MR1: variants seen among roughly 807,000 people sequenced by gnomAD.
The protein encoded by MR1 is major histocompatibility complex class I-related protein 1.
In MR1, 44 loss-of-function variants were observed where a neutral mutation model predicts 37.8. That is an observed-to-expected ratio of 1.16 (90% CI 0.91 to 1.50). The LOEUF (loss-of-function observed/expected upper bound fraction) is 1.50, where lower values mean the gene tolerates loss of function less well. Ranked by LOEUF, MR1 falls within the 40% of genes most tolerant of loss-of-function variation. MR1 has a pLI of 0.00. For missense variants in MR1, 386 were observed against 419.1 expected (o/e 0.92, Z 0.69); for synonymous variants, 153 against 155.8 (o/e 0.98, Z 0.13).
chr1:181,059,016 C>G lies in MR1; in HGVS notation c.*3751C>G, dbSNP rs1205096257. The G allele has an allele frequency of 6.6e-6, 1 of 152,248 alleles. No individual in the cohort carries two copies. Among genetic ancestry groups the G allele is most frequent in the Non-Finnish European group, 1.5e-5 (1 of 68,040 alleles). The allele number at this position is 152,248 out of a possible 1,614,324, so 9.4% of individuals were successfully genotyped here. ...CCTGCTCTCTGGAGTTTGCTATTTTCTCACACACAGTGTATTAGTTCACAG... is the reference window on the plus strand; with the variant it reads ...CCTGCTCTCTGGAGTTTGCTATTTTGTCACACACAGTGTATTAGTTCACAG... On this transcript the variant is annotated 3_prime_UTR_variant, in exon 6 of 6. Transcript: ENST00000367580.
At position 181,052,501 on chromosome 1, in the gene MR1, G is replaced by A. The variant is rs980573937; in HGVS notation, c.871G>A (p.Val291Ile). The change falls in exon 4 of 6, where the codon GTC (valine) becomes ATC (isoleucine). Residue 291 changes from valine to isoleucine, a missense_variant. Physicochemically the swap from Val to Ile is conservative, Grantham distance 29. Coordinates refer to ENST00000367580, the MANE Select transcript of MR1 (RefSeq NM_001385161.1). ...CTGCGGTGTCCACATGGTTCTTCAGGTCCCCCAGGGTAAGGACGGGGATCG... is the reference window on the plus strand; with the variant it reads ...CTGCGGTGTCCACATGGTTCTTCAGATCCCCCAGGGTAAGGACGGGGATCG... ...EHCGVHMVLQ[V>I]PQESETIPLV... 12 of 1,610,488 alleles carry A rather than the reference G, an allele frequency of 7.5e-6. No homozygotes were observed. The highest frequency in any genetic ancestry group is 9.3e-6 in the Non-Finnish European group (11 of 1,176,974).
In MR1 at chr1:181,050,090, T is replaced by C; in HGVS notation, c.408T>C (p.Tyr136=). The change falls in exon 3 of 6, where the codon TAT becomes TAC. Residue 136 remains tyrosine, a synonymous_variant. Transcript: ENST00000367580. ...CCACAGGATTTCTGCAGTATGCATA[T>C]GACGGGCAGGATTTCCTGATCTTCA... ...GSTTGFLQYA[Y]DGQDFLIFNK... 6.2e-7 allele frequency: 1 copy of C among 1,614,184 alleles called. No individual in the cohort carries two copies. Among genetic ancestry groups the C allele is most frequent in the South Asian group, 1.1e-5 (1 of 91,086 alleles).
rs2102403054 is a variant in MR1, at chr1:181,053,480, G to T, written c.881-93G>T. 10 of 866,604 alleles carry T rather than the reference G, an allele frequency of 1.2e-5. No homozygotes were observed. The South Asian group carries it at 1.5e-4, about 13-fold the overall frequency. The allele number at this position is 866,604 out of a possible 1,614,324, so 53.7% of individuals were successfully genotyped here. On this transcript the variant is annotated intron_variant, in intron 4 of 5. Coordinates refer to ENST00000367580, the MANE Select transcript of MR1 (RefSeq NM_001385161.1). ...AGCAACAGTAAGGAAAATGGTGTTGGGTTTCCTGATGATCACAGGGACAAA... is the reference window on the plus strand; with the variant it reads ...AGCAACAGTAAGGAAAATGGTGTTGTGTTTCCTGATGATCACAGGGACAAA...
intron 1 of MR1, among the ~76,000 whole-genome samples, chr1:181,035,553 T>C (rs929930315): frequency 2.0e-5 from 3 of 152,076 alleles, no homozygotes; most frequent in Admixed American, 2.0e-4. Flanking sequence ...AAGGGTGATA[T>C]TTTTGGAAAT....
At chr1:181,042,954 G>T (rs1238140253) in intron 1 of MR1, among the ~76,000 whole-genome samples, 1 of 152,146 alleles carries the variant, frequency 6.6e-6, no homozygotes, top group Non-Finnish European at 1.5e-5. Flanking sequence ...GCTAAGCTTT[G>T]CAGGAAATAC....
At position 181,057,967 on chromosome 1, in the gene MR1, GC is replaced by G. The variant is rs1553271782; in HGVS notation, c.*2704del. 2.0e-5 allele frequency: 3 copies of G among 152,222 alleles called. No homozygotes were observed. The highest frequency in any genetic ancestry group is 4.4e-5 in the Non-Finnish European group (3 of 68,062). 9.4% of individuals were successfully genotyped at this position (152,222 alleles called of 1,614,324 possible). A position where few individuals can be genotyped will look rare whatever the true frequency, so the allele number is the denominator to read the frequency against. ...AGAGGTTGTGGTGAGCCGAGATCGCGCCATCGCACTCTAGCCTGGGCAACAA... is the reference window on the plus strand; with the variant it reads ...AGAGGTTGTGGTGAGCCGAGATCGCGCATCGCACTCTAGCCTGGGCAACAA... On this transcript the variant is annotated 3_prime_UTR_variant, in exon 6 of 6. Transcript: ENST00000367580.
intron 1 of MR1, among the ~76,000 whole-genome samples, chr1:181,038,987 T>C (rs1029167720): frequency 6.6e-6 from 1 of 152,088 alleles, no homozygotes; most frequent in East Asian, 1.9e-4. Context: ...GCATTTTTAG[T>C]AGGGACAGAG....
At chr1:181,046,269 C>G (rs1657861531) in intron 1 of MR1, among the ~76,000 whole-genome samples, 2 of 152,392 alleles carry the variant, frequency 1.3e-5, no homozygotes, top group East Asian at 3.9e-4. Flanking sequence ...GGGGGATCCA[C>G]TGGGTGAAGC....
At chr1:181,046,960 A>C (rs1466367009) in intron 1 of MR1, among the ~76,000 whole-genome samples, 2 of 152,186 alleles carry the variant, frequency 1.3e-5, no homozygotes, top group Non-Finnish European at 2.9e-5. Context: ...TCCGAACATC[A>C]GAAGGAAAAA....
chr1:181,042,200 ATTTT>A (rs373949499), intron 1 of MR1, among the ~76,000 whole-genome samples: 11 of 134,108 alleles, frequency 8.2e-5, no homozygotes, highest in Non-Finnish European at 1.1e-4. Flanking sequence ...ATCAAAGATA[ATTTT>A]TTTTTTTTTT....
rs1162816364 is a variant in MR1 at position 181,060,467 on chromosome 1, A to C, written c.*5202A>C. ...CAAAATTTTTTGGCTCCACTGGATT[A>C]TCTAGCAGTTAGGAAACCAAGATCA... On this transcript the variant is annotated 3_prime_UTR_variant, in exon 6 of 6. Transcript: ENST00000367580. The C allele has an allele frequency of 6.6e-6, 1 of 152,210 alleles. No homozygotes were observed. The highest frequency in any genetic ancestry group is 1.9e-4 in the East Asian group (1 of 5,200). The allele number at this position is 152,210 out of a possible 1,614,324, so 9.4% of individuals were successfully genotyped here. A position where few individuals can be genotyped will look rare whatever the true frequency, so the allele number is the denominator to read the frequency against.
chr1:181,050,354 A>G, intron 3 of MR1, 68 bp downstream of exon 3: 2 of 1,586,022 alleles, frequency 1.3e-6, no homozygotes, highest in Non-Finnish European at 1.7e-6. Context: ...AACTCTTTTA[A>G]TCTAGGTTAT....
chr1:181,039,100 C>T lies in MR1; in HGVS notation c.67+5026C>T, dbSNP rs573773067. Among the ~76,000 whole-genome samples, 19 of 151,884 alleles carry T rather than the reference C, an allele frequency of 1.3e-4. No homozygotes were observed. In the South Asian group the frequency reaches 2.7e-3, roughly 22 times the overall value. ...GATTACAGGCATGAGCCACCACACCCGGCCTCTCTGCACCTATTTTCTATC... is the reference window on the plus strand; with the variant it reads ...GATTACAGGCATGAGCCACCACACCTGGCCTCTCTGCACCTATTTTCTATC... On this transcript the variant is annotated intron_variant, in intron 1 of 5. Transcript: ENST00000367580.
intron 3 of MR1, 57 bp downstream of exon 3, chr1:181,050,343 T>C (rs757463152): frequency 5.0e-6 from 8 of 1,600,072 alleles, no homozygotes; most frequent in Admixed American, 1.7e-5. Flanking sequence ...TTTTTATACG[T>C]AACTCTTTTA....
rs141646210 is a variant in MR1 at position 181,050,093 on chromosome 1, C to T, written c.411C>T (p.Asp137=). 6.2e-4 allele frequency: 1,005 copies of T among 1,614,154 alleles called. 7 individuals carry two copies. Among genetic ancestry groups the T allele is most frequent in the Middle Eastern group, 1.0e-3 (6 of 6,020 alleles). The stretch of plus-strand genomic sequence containing the variant: ...CAGGATTTCTGCAGTATGCATATGA[C>T]GGGCAGGATTTCCTGATCTTCAATA... The part of the protein sequence containing the change: ...STTGFLQYAY[D]GQDFLIFNKD... The change falls in exon 3 of 6, where the codon GAC becomes GAT. Residue 137 remains aspartate, a synonymous_variant. Transcript: ENST00000367580.
At chr1:181,037,323 T>G (rs1657328606) in intron 1 of MR1, among the ~76,000 whole-genome samples, 1 of 152,214 alleles carries the variant, frequency 6.6e-6, no homozygotes, top group Admixed American at 6.5e-5. Context: ...AAATATGGGC[T>G]TTTTCTTTAG....
chr1:181,041,432 C>G (rs1234399155), intron 1 of MR1, among the ~76,000 whole-genome samples: 1 of 152,234 alleles, frequency 6.6e-6, no homozygotes, highest in Admixed American at 6.5e-5. Context: ...TCTACACCAA[C>G]CCAGCTTAGC....
chr1:181,038,944 C>T (rs902015330), intron 1 of MR1, among the ~76,000 whole-genome samples: 4 of 152,164 alleles, frequency 2.6e-5, no homozygotes. Context: ...GCTGGGATTA[C>T]AGGCATGCGC....
At position 181,039,101 on chromosome 1, in the gene MR1, G is replaced by A. The variant is rs115559093; in HGVS notation, c.67+5027G>A. On this transcript the variant is annotated intron_variant, in intron 1 of 5. Transcript: ENST00000367580. ...ATTACAGGCATGAGCCACCACACCC[G>A]GCCTCTCTGCACCTATTTTCTATCT... is the stretch of plus-strand genomic sequence containing the variant. Among the ~76,000 whole-genome samples, 904 of 151,664 alleles carry A rather than the reference G, an allele frequency of 6.0e-3. 3 individuals are homozygous for A. The highest frequency in any genetic ancestry group is 0.02 in the African/African-American group (841 of 41,350).
Sources: allele counts gnomAD v4.1 joint callset (sites outside exome capture counted in the v4.1 genomes callset), GRCh38; gene constraint gnomAD v4.1.1; transcripts MANE v1.5; gene names NCBI Gene and HGNC (gene_info 2026-07-23, HGNC 2026-07-21).